Variants in GIGYF2 observed in about 807,000 individuals in gnomAD.
The protein encoded by GIGYF2 is GRB10-interacting GYF protein 2.
A neutral mutation model predicts 208.1 loss-of-function variants in GIGYF2; 25 were observed. That is an observed-to-expected ratio of 0.12 (90% confidence interval 0.09 to 0.17). GIGYF2 has a LOEUF of 0.17. Among genes scored for constraint, GIGYF2 ranks in the 10% least tolerant of loss-of-function variants. The probability of loss-of-function intolerance (pLI) is 1.00; values close to 1 mark genes in which losing one functional copy is unlikely to be tolerated. For missense variants in GIGYF2, 1,302 were observed against 1,579.4 expected (o/e 0.82, Z 2.98); for synonymous variants, 534 against 543.8 (o/e 0.98, Z 0.25).
chr2:232,784,669 G>A (rs1202997676), intron 8 of GIGYF2, among the ~76,000 whole-genome samples: 3 of 152,008 alleles, frequency 2.0e-5, no homozygotes, highest in African/African-American at 4.8e-5. Flanking sequence ...GAGCCACCGC[G>A]CCTGGCCACA....
chr2:232,724,599 C>T (rs967952716), intron 2 of GIGYF2: 3 of 152,096 alleles, frequency 2.0e-5, no homozygotes, highest in Admixed American at 2.0e-4. Context: ...GTCACCCAGG[C>T]TAGAGTGCAG....
At chr2:232,837,914 A>G (rs558410178) in intron 22 of GIGYF2, among the ~76,000 whole-genome samples, 1 of 152,344 alleles carries the variant, frequency 6.6e-6, no homozygotes, top group South Asian at 2.1e-4. Context: ...AGCGCAGAAC[A>G]AGAAGAGTAT....
chr2:232,727,851 A>G (rs1372763189), intron 2 of GIGYF2, among the ~76,000 whole-genome samples: 1 of 152,232 alleles, frequency 6.6e-6, no homozygotes, highest in Admixed American at 6.5e-5. Flanking sequence ...ATACTTCCTC[A>G]GTCAAGCACC....
intron 22 of GIGYF2, among the ~76,000 whole-genome samples, chr2:232,839,415 C>T (rs1701750346): frequency 6.6e-6 from 1 of 152,186 alleles, no homozygotes. Context: ...CATGGTGCTA[C>T]CCTCAGAAAT....
chr2:232,750,163 CAA>C (rs1698287154), intron 5 of GIGYF2, among the ~76,000 whole-genome samples: 1 of 150,944 alleles, frequency 6.6e-6, no homozygotes. Context: ...CCAGCCTGGG[CAA>C]AGAGTGAGAC....
chr2:232,706,996 C>G (rs1344298194), intron 2 of GIGYF2, among the ~76,000 whole-genome samples: 2 of 151,064 alleles, frequency 1.3e-5, no homozygotes, highest in African/African-American at 4.9e-5. Flanking sequence ...TAGGGAATCC[C>G]TCTGTGGAAA....
chr2:232,768,075 A>T, intron 8 of GIGYF2: 1 of 978,928 alleles, frequency 1.0e-6, no homozygotes, highest in Non-Finnish European at 1.6e-6. Context: ...AGGCATGATT[A>T]CCGTGATGTA....
Position 232,850,372 on chromosome 2 carries a change from A to G in GIGYF2, c.3795A>G (p.Lys1265=). The part of the protein sequence containing the change: ...FEAVQSGKKK[K]KQKMVRADPS... ...CTGTGCAGAGTGGCAAGAAGAAGAAAAAGCAGAAGATGGTCCGAGCAGATC... is the reference window on the plus strand; with the variant it reads ...CTGTGCAGAGTGGCAAGAAGAAGAAGAAGCAGAAGATGGTCCGAGCAGATC... The change falls in exon 28 of 29, where the codon AAA becomes AAG. Residue 1265 remains lysine (K), a synonymous_variant. Coordinates refer to ENST00000373563, the MANE Select transcript of GIGYF2 (RefSeq NM_001103146.3). 6.2e-7 allele frequency: 1 copy of G among 1,614,150 alleles called. No individual in the cohort carries two copies. Among genetic ancestry groups the G allele is most frequent in the South Asian group, 1.1e-5 (1 of 91,076 alleles).
intron 2 of GIGYF2, chr2:232,729,537 A>T: frequency 7.6e-7 from 1 of 1,322,880 alleles, no homozygotes; most frequent in Non-Finnish European, 1.0e-6. Context: ...ATTTTGTTGA[A>T]AGCAGCCACA....
chr2:232,726,347 T>G (rs1398859676), intron 2 of GIGYF2, among the ~76,000 whole-genome samples: 2 of 132,294 alleles, frequency 1.5e-5, no homozygotes, highest in East Asian at 4.3e-4. Context: ...CCAGCCCCAG[T>G]GACAGAGCAA....
At chr2:232,704,543 T>C (rs1403344862) in intron 2 of GIGYF2, among the ~76,000 whole-genome samples, 1 of 152,036 alleles carries the variant, frequency 6.6e-6, no homozygotes, top group Non-Finnish European at 1.5e-5. Context: ...TAGCTGAGAT[T>C]ACAGGTATTC....
intron 12 of GIGYF2, among the ~76,000 whole-genome samples, chr2:232,793,013 G>A (rs1323346663): frequency 6.6e-6 from 1 of 152,144 alleles, no homozygotes; most frequent in African/African-American, 2.4e-5. Flanking sequence ...TCAGGAAGTA[G>A]GTGGTCTCTG....
chr2:232,807,645 G>A (rs1160635937), intron 15 of GIGYF2, among the ~76,000 whole-genome samples: 2 of 152,202 alleles, frequency 1.3e-5, no homozygotes, highest in African/African-American at 2.4e-5. Context: ...TCTCAGTAGT[G>A]TTCCTTTTGG....
intron 8 of GIGYF2, among the ~76,000 whole-genome samples, chr2:232,784,386 C>CTTTTTTTTTTTTTTTTTTTT (rs10645449): frequency 1.1e-5 from 1 of 92,312 alleles, no homozygotes; most frequent in Non-Finnish European, 2.0e-5. Flanking sequence ...GAAATAATTT[C>CTTTTTTTTTTTTTTTTTTTT]TTTTTTTTTT....
chr2:232,852,314 G>A (rs1393618000), intron 28 of GIGYF2, among the ~76,000 whole-genome samples: 1 of 152,162 alleles, frequency 6.6e-6, no homozygotes, highest in Non-Finnish European at 1.5e-5. Flanking sequence ...GGGAGGCTGA[G>A]GCGGGTGGAT....
chr2:232,808,707 A>G lies in GIGYF2; in HGVS notation c.1807-1013A>G, dbSNP rs189471447. On this transcript the variant is annotated intron_variant, in intron 15 of 28. Transcript: ENST00000373563. ...TCATGATTTACCTATTTAGTCTGTCATACTTACACTTTTACTTCTGTTATC... is the reference window on the plus strand; with the variant it reads ...TCATGATTTACCTATTTAGTCTGTCGTACTTACACTTTTACTTCTGTTATC... Among the ~76,000 whole-genome samples the G allele has an allele frequency of 3.2e-4, 48 of 152,248 alleles. No individual in the cohort carries two copies. The East Asian group carries it at 9.1e-3, about 29-fold the overall frequency.
chr2:232,777,826 G>C (rs1699576900), intron 8 of GIGYF2, among the ~76,000 whole-genome samples: 1 of 152,040 alleles, frequency 6.6e-6, no homozygotes. Context: ...CTAACAAATT[G>C]CAGAAAAACA....
chr2:232,757,579 A>C (rs967108976), intron 6 of GIGYF2, among the ~76,000 whole-genome samples: 1 of 152,064 alleles, frequency 6.6e-6, no homozygotes, highest in Non-Finnish European at 1.5e-5. Flanking sequence ...CTGACCACTT[A>C]TGGCTCTGGC....
At position 232,847,469 on chromosome 2, in the gene GIGYF2, C is replaced by T; in HGVS notation, c.3582C>T (p.Arg1194=). The change falls in exon 27 of 29, where the codon CGC becomes CGT. Residue 1194 remains arginine, a synonymous_variant. Coordinates refer to ENST00000373563, the MANE Select transcript of GIGYF2 (RefSeq NM_001103146.3). ...AKEFAKQFLE[R]RAKQKANQQR... is the part of the protein sequence containing the mutation. ...AGTTTGCCAAGCAGTTCCTTGAGCG[C>T]CGTGCCAAACAGAAAGCCAACCAGC... 1 of 1,613,748 alleles carries T rather than the reference C, an allele frequency of 6.2e-7. No individual in the cohort carries two copies. Among genetic ancestry groups the T allele is most frequent in the South Asian group, 1.1e-5 (1 of 91,054 alleles).
Sources: allele counts gnomAD v4.1 joint callset (sites outside exome capture counted in the v4.1 genomes callset), GRCh38; gene constraint gnomAD v4.1.1; transcripts MANE v1.5; gene names NCBI Gene and HGNC (gene_info 2026-07-23, HGNC 2026-07-21).